SUPT3H: variants seen among roughly 807,000 people sequenced by gnomAD.
SUPT3H encodes the protein SPT3 homolog, SAGA and STAGA complex component.
Under a neutral mutation model 44.3 loss-of-function variants are expected in SUPT3H, and 44 were observed. That is an observed-to-expected ratio of 0.99 (90% CI 0.78 to 1.28). The LOEUF (loss-of-function observed/expected upper bound fraction) is 1.28, where lower values mean the gene tolerates loss of function less well. Among genes scored for constraint, SUPT3H ranks in the 50% most tolerant of loss-of-function variants. The pLI, the probability that SUPT3H is intolerant of heterozygous loss-of-function variation, is 0.00. For missense variants in SUPT3H, 380 were observed against 387.1 expected (o/e 0.98, Z 0.15); for synonymous variants, 124 against 125.6 (o/e 0.99, Z 0.09).
At chr6:45,037,052 G>T (rs1432815112) in intron 3 of SUPT3H, among the ~76,000 whole-genome samples, 1 of 152,050 alleles carries the variant, frequency 6.6e-6, no homozygotes, top group Non-Finnish European at 1.5e-5. Flanking sequence ...CTCAGAGCTG[G>T]ATATGAATTA....
At chr6:44,927,426 G>A (rs931151944) in intron 10 of SUPT3H, among the ~76,000 whole-genome samples, 1 of 152,132 alleles carries the variant, frequency 6.6e-6, no homozygotes, top group Non-Finnish European at 1.5e-5. Flanking sequence ...AGAAAAATAA[G>A]CCCAGTAATT....
intron 10 of SUPT3H, among the ~76,000 whole-genome samples, chr6:44,892,821 A>G (rs1165167517): frequency 6.6e-6 from 1 of 152,232 alleles, no homozygotes; most frequent in East Asian, 1.9e-4. Flanking sequence ...ACCACAGCAC[A>G]TGGCTTCATC....
chr6:45,207,993 C>T (rs1490190397), intron 2 of SUPT3H, among the ~76,000 whole-genome samples: 2 of 152,054 alleles, frequency 1.3e-5, no homozygotes, highest in East Asian at 1.9e-4. Context: ...GAAGATATGC[C>T]GAAAGTCAAC....
chr6:44,858,911 T>C (rs1054434909), intron 10 of SUPT3H, among the ~76,000 whole-genome samples: 1 of 152,202 alleles, frequency 6.6e-6, no homozygotes, highest in African/African-American at 2.4e-5. Flanking sequence ...GGTTTTTCCA[T>C]AGTTCTAACT....
intron 2 of SUPT3H, among the ~76,000 whole-genome samples, chr6:45,211,837 G>A (rs1310087325): frequency 6.7e-6 from 1 of 148,554 alleles, no homozygotes; most frequent in Admixed American, 6.9e-5. Context: ...GACACAGCAA[G>A]ACTCCGTCTC....
intron 2 of SUPT3H, among the ~76,000 whole-genome samples, chr6:45,108,483 T>C (rs1344610888): frequency 1.3e-5 from 2 of 152,192 alleles, no homozygotes; most frequent in Non-Finnish European, 2.9e-5. Flanking sequence ...TTGCTTGTAT[T>C]TTTTCTAGAG....
At chr6:45,062,131 A>G (rs1309416583) in intron 3 of SUPT3H, among the ~76,000 whole-genome samples, 1 of 151,980 alleles carries the variant, frequency 6.6e-6, no homozygotes. Context: ...GGCGTCTGAT[A>G]TGGCAAAGGA....
At chr6:44,811,828 T>C (rs1561828802) in intron 11 of SUPT3H, among the ~76,000 whole-genome samples, 1 of 152,198 alleles carries the variant, frequency 6.6e-6, no homozygotes, top group African/African-American at 2.4e-5. Context: ...GGCACTTGGT[T>C]GTTCTTTGTT....
chr6:45,083,302 T>A (rs1053017427), intron 3 of SUPT3H, among the ~76,000 whole-genome samples: 27 of 151,808 alleles, frequency 1.8e-4, no homozygotes, highest in African/African-American at 6.5e-4. Context: ...AGCGATTCTC[T>A]TACCTCAGCC....
chr6:45,356,035 G>A (rs1793100036), intron 2 of SUPT3H, among the ~76,000 whole-genome samples: 1 of 152,122 alleles, frequency 6.6e-6, no homozygotes. Flanking sequence ...GTTGTTTTAA[G>A]ACACAGAAAC....
intron 10 of SUPT3H, among the ~76,000 whole-genome samples, chr6:44,907,398 C>T (rs1047442637): frequency 2.0e-5 from 3 of 152,038 alleles, no homozygotes; most frequent in East Asian, 1.9e-4. Context: ...AAGCAGTGGC[C>T]GGGCATGGTA....
rs112656761 is a variant in SUPT3H at position 45,106,756 on chromosome 6, G to A, written c.102-750C>T. ...TCACCATGTTAGCCAGGCTGGTCTC[G>A]AACTCCTGACCTCAGGTGATCCACC... is the stretch of plus-strand genomic sequence containing the variant. On this transcript the variant is annotated intron_variant, in intron 2 of 10. Transcript: ENST00000371459. Among the ~76,000 whole-genome samples the A allele has an allele frequency of 9.1e-3, 1,389 of 152,186 alleles. 14 individuals carry two copies. Among genetic ancestry groups the A allele is most frequent in the South Asian group, 0.028 (136 of 4,818 alleles).
At chr6:45,295,692 T>C (rs867917533) in intron 2 of SUPT3H, among the ~76,000 whole-genome samples, 1 of 151,868 alleles carries the variant, frequency 6.6e-6, no homozygotes, top group Non-Finnish European at 1.5e-5. Context: ...AAAAGTGGGC[T>C]AAGGACAGGA....
At chr6:44,979,228 G>A (rs1008208357) in intron 6 of SUPT3H, among the ~76,000 whole-genome samples, 2 of 152,000 alleles carry the variant, frequency 1.3e-5, no homozygotes, top group Admixed American at 6.6e-5. Flanking sequence ...TTCTCAAGTC[G>A]CAGAACGAAT....
intron 9 of SUPT3H, among the ~76,000 whole-genome samples, chr6:44,934,692 T>A (rs1469156360): frequency 1.3e-5 from 2 of 152,080 alleles, no homozygotes; most frequent in African/African-American, 4.8e-5. Flanking sequence ...CCATGTGAGG[T>A]TTGGGTGAAC....
intron 10 of SUPT3H, among the ~76,000 whole-genome samples, chr6:44,908,699 T>A (rs1766515419): frequency 6.6e-6 from 1 of 152,086 alleles, no homozygotes. Flanking sequence ...GCCAACTTTG[T>A]GCCTAGCACT....
intron 6 of SUPT3H, among the ~76,000 whole-genome samples, chr6:44,972,245 A>G (rs1777685113): frequency 1.3e-5 from 2 of 152,172 alleles, no homozygotes; most frequent in South Asian, 4.1e-4. Context: ...TACCCATTCT[A>G]AATGGGAGAA....
chr6:45,253,848 C>CATATATATATATAATATATATAT (rs1772813326), intron 2 of SUPT3H, among the ~76,000 whole-genome samples: 1 of 88,748 alleles, frequency 1.1e-5, no homozygotes, highest in Non-Finnish European at 2.2e-5. Flanking sequence ...CACATATACG[C>CATATATATATATAATATATATAT]ATATATATAT....
intron 2 of SUPT3H, among the ~76,000 whole-genome samples, chr6:45,149,961 C>CA (rs1806656428): frequency 6.6e-6 from 1 of 152,004 alleles, no homozygotes; most frequent in Non-Finnish European, 1.5e-5. Flanking sequence ...ATCACCTGAA[C>CA]AATTTTTTTA....
Sources: allele counts gnomAD v4.1 joint callset (sites outside exome capture counted in the v4.1 genomes callset), GRCh38; gene constraint gnomAD v4.1.1; transcripts MANE v1.5; gene names NCBI Gene and HGNC (gene_info 2026-07-23, HGNC 2026-07-21).